The following TCEA3 variants were observed in gnomAD, a reference collection of about 807,000 sequenced individuals.
TCEA3 encodes the protein transcription elongation factor A3, also known as transcription elongation factor A protein 3.
TCEA3 carries 36 observed loss-of-function variants against 44.0 expected under a neutral mutation model. The observed-to-expected ratio is 0.82, with a 90% CI of 0.63 to 1.08. The LOEUF is 1.08. Among genes scored for constraint, TCEA3 ranks in the 50% least tolerant of loss-of-function variants. The pLI is 0.00. For missense variants in TCEA3, 392 were observed against 441.2 expected (o/e 0.89, Z 1.00); for synonymous variants, 162 against 159.7 (o/e 1.01, Z -0.11).
chr1:23,393,741 G>A (rs1639131162), intron 8 of TCEA3, 138 bp downstream of exon 8: 2 of 1,147,708 alleles, frequency 1.7e-6, no homozygotes, highest in Non-Finnish European at 2.4e-6. Context: ...CCAGAGCCCA[G>A]GGGGGAGGCT....
intron 10 of TCEA3, 61 bp downstream of exon 10, chr1:23,384,285 C>T (rs779964668): frequency 9.3e-6 from 15 of 1,612,420 alleles, no homozygotes; most frequent in African/African-American, 2.7e-5. Flanking sequence ...GGGTACACTA[C>T]GCCTTATGCG....
At chr1:23,382,039 A>G (rs1638684040) in intron 10 of TCEA3, among the ~76,000 whole-genome samples, 1 of 143,360 alleles carries the variant, frequency 7.0e-6, no homozygotes. Context: ...AGGCACTAAT[A>G]TCACTCCCAA....
chr1:23,392,477 A>ACG (rs1175270358), intron 8 of TCEA3, among the ~76,000 whole-genome samples: 5 of 40,656 alleles, frequency 1.2e-4, no homozygotes, highest in Admixed American at 2.9e-4. Context: ...CATACACACC[A>ACG]CACACTCCAC....
intron 5 of TCEA3, among the ~76,000 whole-genome samples, chr1:23,398,749 G>A (rs1381993982): frequency 1.3e-5 from 2 of 151,914 alleles, no homozygotes; most frequent in Non-Finnish European, 1.5e-5. Context: ...CAACATCTAT[G>A]CTCTTTTTAT....
At chr1:23,420,548 A>G (rs1640032171) in intron 1 of TCEA3, among the ~76,000 whole-genome samples, 1 of 152,206 alleles carries the variant, frequency 6.6e-6, no homozygotes, top group Non-Finnish European at 1.5e-5. Flanking sequence ...CCAGTCTACC[A>G]CAATGTTTTA....
Position 23,384,407 on chromosome 1 carries a change from C to T in TCEA3, c.977G>A (p.Arg326His), listed in dbSNP as rs1218718872. 5.6e-6 allele frequency: 9 copies of T among 1,612,850 alleles called. No individual in the cohort carries two copies. In the East Asian group the frequency reaches 6.7e-5, roughly 12 times the overall value. ...KNCTYNQVQT[R>H]SADEPMTTFV... ...GGTAGTCATGGGCTCATCAGCACTG[C>T]GTGTCTGCACCTGAGAGAGAGAAGA... Residue 326 changes from arginine (R) to histidine (H), a missense_variant, in exon 10 of 11, where the codon CGC becomes CAC. Arg to His is a conservative substitution (Grantham distance 29, BLOSUM62 0). Transcript: ENST00000450454.
At chr1:23,387,477 A>G (rs946517333) in intron 8 of TCEA3, 58 bp from the exon 9 acceptor site, 8 of 1,505,592 alleles carry the variant, frequency 5.3e-6, no homozygotes, top group East Asian at 2.5e-5. Flanking sequence ...CCTGCCCTAC[A>G]CCCGGTTTCT....
At chr1:23,383,204 T>TG (rs1325560864) in intron 10 of TCEA3, among the ~76,000 whole-genome samples, 1 of 144,098 alleles carries the variant, frequency 6.9e-6, no homozygotes, top group Non-Finnish European at 1.5e-5. Flanking sequence ...GGTGTGAACC[T>TG]GGGGGGTGGA....
intron 8 of TCEA3, among the ~76,000 whole-genome samples, chr1:23,392,418 T>A (rs1265126826): frequency 0.12 from 111 of 894 alleles, no homozygotes; most frequent in Non-Finnish European, 0.18. Context: ...TCATGCACAA[T>A]ACACACACAC....
At chr1:23,405,288 G>T (rs898069828) in intron 5 of TCEA3, among the ~76,000 whole-genome samples, 1 of 152,018 alleles carries the variant, frequency 6.6e-6, no homozygotes, top group African/African-American at 2.4e-5. Flanking sequence ...AAACAGTCTG[G>T]GTAGGAGACA....
intron 5 of TCEA3, chr1:23,403,687 G>A (rs1336134827): frequency 5.6e-6 from 1 of 178,790 alleles, no homozygotes; most frequent in African/African-American, 2.3e-5. Flanking sequence ...CTAGCAAAGG[G>A]TATAGTCAGA....
intron 4 of TCEA3, among the ~76,000 whole-genome samples, chr1:23,409,321 T>C (rs771118781): frequency 3.3e-5 from 5 of 152,186 alleles, no homozygotes; most frequent in Non-Finnish European, 7.3e-5. Context: ...TATACTCAAA[T>C]GCTAACCACT....
intron 4 of TCEA3, 100 bp from the exon 5 acceptor site, chr1:23,408,826 G>T: frequency 8.2e-7 from 1 of 1,226,274 alleles, no homozygotes; most frequent in Non-Finnish European, 1.1e-6. Context: ...CAGCTGGCTT[G>T]AGGCTAAGGA....
At chr1:23,419,273 A>AAGGAGAG in intron 1 of TCEA3, 134 bp from the exon 2 acceptor site, 1 of 585,820 alleles carries the variant, frequency 1.7e-6, no homozygotes, top group African/African-American at 1.9e-5. Flanking sequence ...GGGCAGAAGG[A>AAGGAGAG]AGGAGAGAGA....
intron 8 of TCEA3, among the ~76,000 whole-genome samples, chr1:23,393,126 C>T (rs746602155): frequency 3.9e-5 from 6 of 151,978 alleles, no homozygotes; most frequent in South Asian, 2.1e-4. Context: ...TTGGTTTCCT[C>T]GAATGCACAG....
intron 10 of TCEA3, among the ~76,000 whole-genome samples, chr1:23,382,788 C>G (rs149287500): frequency 2.0e-5 from 3 of 152,208 alleles, no homozygotes; most frequent in African/African-American, 7.2e-5. Flanking sequence ...AGTTAAGTCA[C>G]TTGGTAAGGG....
At chr1:23,387,474 T>A (rs1269053731) in intron 8 of TCEA3, 55 bp from the exon 9 acceptor site, 4 of 1,507,486 alleles carry the variant, frequency 2.7e-6, no homozygotes, top group African/African-American at 1.4e-5. Flanking sequence ...GGCCCTGCCC[T>A]ACACCCGGTT....
chr1:23,416,755 G>T (rs1639902679), intron 4 of TCEA3, among the ~76,000 whole-genome samples: 1 of 152,196 alleles, frequency 6.6e-6, no homozygotes, highest in African/African-American at 2.4e-5. Context: ...GCCTCCCAAA[G>T]TGCTGGGATT....
intron 6 of TCEA3, 90 bp downstream of exon 6, chr1:23,397,702 G>A: frequency 1.2e-6 from 2 of 1,607,098 alleles, no homozygotes; most frequent in East Asian, 2.2e-5. Context: ...ATCCCTTGGG[G>A]TGCTGAGAAA....
Sources: allele counts gnomAD v4.1 joint callset (sites outside exome capture counted in the v4.1 genomes callset), GRCh38; gene constraint gnomAD v4.1.1; transcripts MANE v1.5; gene names NCBI Gene and HGNC (gene_info 2026-07-23, HGNC 2026-07-21).